Variants in COG6 observed in about 807,000 individuals in gnomAD.
COG6 encodes conserved oligomeric Golgi complex subunit 6.
In COG6, 74 loss-of-function variants were observed where a neutral mutation model predicts 88.8. The ratio of observed to expected loss-of-function variants is 0.83; its 90% CI spans 0.69 to 1.01. The LOEUF (loss-of-function observed/expected upper bound fraction) is 1.01, where lower values mean the gene tolerates loss of function less well. Ranked by LOEUF, COG6 falls within the 50% of genes least tolerant of loss-of-function variation. COG6 has a pLI of 0.00. For synonymous variants in COG6, 286 were observed against 278.7 expected, an observed-to-expected ratio of 1.03 and a Z score of -0.26; for missense variants, 800 against 797.9, an observed-to-expected ratio of 1.00 and a Z score of -0.03.
intron 18 of COG6, among the ~76,000 whole-genome samples, chr13:39,774,073 G>C (rs979454952): frequency 6.6e-6 from 1 of 152,032 alleles, no homozygotes; most frequent in African/African-American, 2.4e-5. Flanking sequence ...CCGGCTGACT[G>C]CTTCCCTGAC....
rs541910975 is a variant in COG6 at position 39,732,725 on chromosome 13, G to A, written c.1826+5177G>A. ...GCACAGATAGAAAAAAAATTAAAAG[G>A]CTGGAAAATAGATGGAGTCTTAGAG... On this transcript the variant is annotated intron_variant, in intron 18 of 18. Coordinates refer to ENST00000455146, the MANE Select transcript of COG6 (RefSeq NM_020751.3). Among the ~76,000 whole-genome samples, 42 of 152,244 alleles carry A rather than the reference G, an allele frequency of 2.8e-4. 1 individual carries two copies. The highest frequency in any genetic ancestry group is 4.9e-4 in the Non-Finnish European group (33 of 68,014).
At chr13:39,681,721 CTT>C (rs755710030) in intron 7 of COG6, among the ~76,000 whole-genome samples, 15 of 152,208 alleles carry the variant, frequency 9.9e-5, no homozygotes, top group South Asian at 2.1e-4. Flanking sequence ...AATTCAAACT[CTT>C]TTGAAATTAT....
At chr13:39,721,193 T>G (rs1878830776) in intron 15 of COG6, among the ~76,000 whole-genome samples, 1 of 152,156 alleles carries the variant, frequency 6.6e-6, no homozygotes, top group Admixed American at 6.6e-5. Context: ...CAATTTGCTT[T>G]ATTACCAATT....
At chr13:39,773,961 G>A (rs895789597) in intron 18 of COG6, among the ~76,000 whole-genome samples, 1 of 151,574 alleles carries the variant, frequency 6.6e-6, no homozygotes, top group Non-Finnish European at 1.5e-5. Context: ...GTTGGCAGAC[G>A]TTTGGTTAGA....
At chr13:39,759,321 CTT>C (rs111589345) in intron 18 of COG6, among the ~76,000 whole-genome samples, 8 of 152,222 alleles carry the variant, frequency 5.3e-5, no homozygotes, top group African/African-American at 1.4e-4. Context: ...CTGATGGCCT[CTT>C]TTGAAAACCA....
intron 17 of COG6, among the ~76,000 whole-genome samples, chr13:39,727,184 G>C (rs77688910): frequency 2.1e-4 from 32 of 152,052 alleles, no homozygotes; most frequent in Admixed American, 7.2e-4. Context: ...TTTACTTCTT[G>C]TTAATATTAT....
chr13:39,767,595 G>A (rs556008323), intron 18 of COG6, among the ~76,000 whole-genome samples: 4 of 152,256 alleles, frequency 2.6e-5, no homozygotes, highest in Non-Finnish European at 5.9e-5. Flanking sequence ...TTAGTGGTGG[G>A]AGCATTTACT....
intron 11 of COG6, among the ~76,000 whole-genome samples, chr13:39,692,523 C>T (rs1469960572): frequency 6.6e-6 from 1 of 152,000 alleles, no homozygotes; most frequent in African/African-American, 2.4e-5. Context: ...TTGAGGTATA[C>T]ATAGGAACAG....
intron 18 of COG6, among the ~76,000 whole-genome samples, chr13:39,746,041 C>A (rs1227785863): frequency 3.3e-5 from 5 of 152,024 alleles, no homozygotes; most frequent in African/African-American, 1.2e-4. Flanking sequence ...AATGAGAACA[C>A]TTGAACACAG....
At chr13:39,768,119 CATGTCT>C (rs1566044358) in intron 18 of COG6, among the ~76,000 whole-genome samples, 2 of 152,050 alleles carry the variant, frequency 1.3e-5, no homozygotes, top group Admixed American at 6.5e-5. Context: ...GTTTAACACA[CATGTCT>C]GTCTATCTCT....
At chr13:39,741,291 G>A (rs746714081) in intron 18 of COG6, among the ~76,000 whole-genome samples, 2 of 152,146 alleles carry the variant, frequency 1.3e-5, no homozygotes, top group Middle Eastern at 3.4e-3. Flanking sequence ...TCAGAAAGTC[G>A]ATAATAACAA....
At chr13:39,655,969 C>G (rs1470863024) in intron 1 of COG6, 90 bp downstream of exon 1, 1 of 1,481,208 alleles carries the variant, frequency 6.8e-7, no homozygotes, top group African/African-American at 1.4e-5. Flanking sequence ...ACCGCGGTCT[C>G]CCTCGTCCCG....
intron 17 of COG6, among the ~76,000 whole-genome samples, chr13:39,725,721 GA>G (rs1879099626): frequency 6.6e-6 from 1 of 151,470 alleles, no homozygotes; most frequent in African/African-American, 2.4e-5. Flanking sequence ...GCAAAAATTA[GA>G]AATGCAAAGA....
Position 39,723,420 on chromosome 13 carries a change from C to T in COG6, c.1672C>T (p.Gln558Ter). 6.3e-7 allele frequency: 1 copy of T among 1,599,702 alleles called. No individual in the cohort carries two copies. Among genetic ancestry groups the T allele is most frequent in the East Asian group, 2.2e-5 (1 of 44,768 alleles). Reference protein sequence around the residue: ...VGLSYIYNTVQQHKPEQGSLA... With the variant: ...VGLSYIYNTV ...CTTGAGTTACATCTATAACACTGTA[C>T]AGCAACATAAACCTGAACAGGTAAG... The change falls in exon 16 of 19, where the codon CAG (glutamine) becomes TAG (stop). Residue 558 changes from glutamine (Q) to a stop codon, truncating the protein, a stop_gained. Transcript: ENST00000455146. LOFTEE classifies it high-confidence loss of function.
intron 15 of COG6, among the ~76,000 whole-genome samples, chr13:39,721,169 T>C (rs924322705): frequency 1.9e-4 from 29 of 152,158 alleles, no homozygotes; most frequent in African/African-American, 6.5e-4. Context: ...TGTTAAGATA[T>C]GTCAGGTGTT....
chr13:39,665,290 C>T lies in COG6; in HGVS notation c.428+136C>T, dbSNP rs377117534. On this transcript the variant is annotated intron_variant, in intron 4 of 18. Transcript: ENST00000455146. ...CATAAGGTCCTAAACTATTATATTA[C>T]CCAATAGTAACTTAAGCATAAAGAC... 383 of 618,658 alleles carry T rather than the reference C, an allele frequency of 6.2e-4. 3 individuals are homozygous for T. The African/African-American group carries it at 6.2e-3, about 10-fold the overall frequency. 38.3% of individuals were successfully genotyped at this position (618,658 alleles called of 1,614,324 possible).
intron 16 of COG6, among the ~76,000 whole-genome samples, 154 bp from the exon 17 acceptor site, chr13:39,724,354 G>A (rs554333741): frequency 6.6e-6 from 1 of 152,060 alleles, no homozygotes; most frequent in South Asian, 2.1e-4. Context: ...TCTTATTGAG[G>A]TTGAAGAAAT....
At chr13:39,782,122 A>G (rs1331312615) in intron 18 of COG6, among the ~76,000 whole-genome samples, 2 of 152,146 alleles carry the variant, frequency 1.3e-5, no homozygotes, top group Non-Finnish European at 2.9e-5. Context: ...GGAAAACATT[A>G]CCCATTGTGC....
intron 18 of COG6, among the ~76,000 whole-genome samples, chr13:39,783,455 T>G (rs1881687541): frequency 6.6e-6 from 1 of 152,226 alleles, no homozygotes. Flanking sequence ...GTTTTGTTTT[T>G]TTCATTCCTA....
Sources: allele counts gnomAD v4.1 joint callset (sites outside exome capture counted in the v4.1 genomes callset), GRCh38; gene constraint gnomAD v4.1.1; transcripts MANE v1.5; gene names NCBI Gene and HGNC (gene_info 2026-07-23, HGNC 2026-07-21).